CADPS: variants seen among roughly 807,000 people sequenced by gnomAD.
The protein encoded by CADPS is calcium dependent secretion activator, also known as calcium-dependent secretion activator 1.
Under a neutral mutation model 167.3 loss-of-function variants are expected in CADPS, and 57 were observed. The observed-to-expected ratio is 0.34, with a 90% CI of 0.28 to 0.42. CADPS has a LOEUF of 0.42. Among genes scored for constraint, CADPS ranks in the 20% least tolerant of loss-of-function variants. The pLI is 1.00. For missense variants in CADPS, 1,414 were observed against 1,738.1 expected, an observed-to-expected ratio of 0.81 and a Z score of 3.32; for synonymous variants, 676 against 635.3, an observed-to-expected ratio of 1.06 and a Z score of -0.96.
intron 3 of CADPS, among the ~76,000 whole-genome samples, chr3:62,707,100 C>T (rs1292183977): frequency 6.6e-6 from 1 of 152,050 alleles, no homozygotes; most frequent in Non-Finnish European, 1.5e-5. Flanking sequence ...GGCCACGGAC[C>T]CACTACCGGT....
chr3:62,790,421 G>T (rs1225622393), intron 1 of CADPS, among the ~76,000 whole-genome samples: 1 of 151,962 alleles, frequency 6.6e-6, no homozygotes, highest in Non-Finnish European at 1.5e-5. Flanking sequence ...TGAATCTTAT[G>T]TCTCCATGTA....
chr3:62,623,173 A>T lies in CADPS; in HGVS notation c.1325+22549T>A, dbSNP rs1252681382. Among the ~76,000 whole-genome samples, 4 of 152,176 alleles carry T rather than the reference A, an allele frequency of 2.6e-5. No individual in the cohort carries two copies. In the East Asian group the frequency reaches 7.7e-4, roughly 29 times the overall value. ...TTTTCTTTCTCTGGGAGTAAGTCCC[A>T]CATGTGAGGTGAAGATGGGCTCCTG... is the stretch of plus-strand genomic sequence containing the variant. On this transcript the variant is annotated intron_variant, in intron 6 of 29. Coordinates refer to ENST00000383710, the MANE Select transcript of CADPS (RefSeq NM_003716.4).
intron 1 of CADPS, among the ~76,000 whole-genome samples, chr3:62,805,604 A>G (rs188438700): frequency 6.6e-6 from 1 of 152,140 alleles, no homozygotes; most frequent in African/African-American, 2.4e-5. Flanking sequence ...AGCACTAACT[A>G]TATGTAAAGC....
At chr3:62,680,481 C>G (rs2076980424) in intron 3 of CADPS, among the ~76,000 whole-genome samples, 1 of 152,122 alleles carries the variant, frequency 6.6e-6, no homozygotes, top group Non-Finnish European at 1.5e-5. Context: ...CTCATTGTCA[C>G]ACACATCTAA....
At position 62,689,172 on chromosome 3, in the gene CADPS, A is replaced by G. The variant is rs900656552; in HGVS notation, c.889-26778T>C. Among the ~76,000 whole-genome samples the G allele has an allele frequency of 3.3e-5, 5 of 152,072 alleles. No homozygotes were observed. The South Asian group carries it at 6.2e-4, about 19-fold the overall frequency. ...TGACATTTGATTTCCTTCAAGCACT[A>G]AAGTGTTTTTCTCTAGGCAGAACAG... On this transcript the variant is annotated intron_variant, in intron 3 of 29. Transcript: ENST00000383710.
At chr3:62,719,194 A>T (rs1304070040) in intron 3 of CADPS, among the ~76,000 whole-genome samples, 1 of 152,194 alleles carries the variant, frequency 6.6e-6, no homozygotes, top group East Asian at 1.9e-4. Flanking sequence ...CCTTTCTGGC[A>T]CTGTCTTTTA....
chr3:62,820,750 C>G (rs1392820850), intron 1 of CADPS, among the ~76,000 whole-genome samples: 1 of 151,034 alleles, frequency 6.6e-6, no homozygotes, highest in African/African-American at 2.4e-5. Flanking sequence ...CCTTTCTCCT[C>G]TTTACTAGAC....
chr3:62,580,865 A>G (rs2083296881), intron 8 of CADPS, among the ~76,000 whole-genome samples: 1 of 152,200 alleles, frequency 6.6e-6, no homozygotes, highest in Admixed American at 6.5e-5. Flanking sequence ...ACCTAAATAG[A>G]CATAAAATTT....
chr3:62,816,036 C>T (rs1016524201), intron 1 of CADPS, among the ~76,000 whole-genome samples: 3 of 152,038 alleles, frequency 2.0e-5, no homozygotes, highest in African/African-American at 7.2e-5. Context: ...AGATCAAATT[C>T]CTGTAGAGTA....
chr3:62,762,452 T>G (rs2085707175), intron 2 of CADPS, among the ~76,000 whole-genome samples: 1 of 150,374 alleles, frequency 6.7e-6, no homozygotes, highest in South Asian at 2.1e-4. Context: ...AGCCCAGGAG[T>G]TCAAGAGCAG....
At chr3:62,843,567 T>C (rs1466875719) in intron 1 of CADPS, among the ~76,000 whole-genome samples, 1 of 151,944 alleles carries the variant, frequency 6.6e-6, no homozygotes, top group African/African-American at 2.4e-5. Flanking sequence ...CAGCATAACG[T>C]TGGACTCAAC....
chr3:62,694,597 G>A lies in CADPS; in HGVS notation c.889-32203C>T, dbSNP rs539085291. ...CTGGAAATGAATTTGCCTTCTTGGT[G>A]TACAATGCTTCTACCAGCACTACCT... On this transcript the variant is annotated intron_variant, in intron 3 of 29. Transcript: ENST00000383710. Among the ~76,000 whole-genome samples the A allele has an allele frequency of 1.6e-3, 238 of 152,158 alleles. 1 individual carries two copies. The highest frequency in any genetic ancestry group is 3.4e-3 in the Middle Eastern group (1 of 294).
intron 8 of CADPS, among the ~76,000 whole-genome samples, chr3:62,580,589 A>AAT (rs1479029731): frequency 6.7e-6 from 1 of 148,384 alleles, no homozygotes; most frequent in African/African-American, 2.6e-5. Flanking sequence ...GTATAATAAA[A>AAT]AAAAATAAAA....
rs141267535 is a variant in CADPS at position 62,608,489 on chromosome 3, C to A, written c.1326-15741G>T. Among the ~76,000 whole-genome samples the A allele has an allele frequency of 1.4e-3, 218 of 152,022 alleles. 1 individual carries two copies. The highest frequency in any genetic ancestry group is 5.1e-3 in the African/African-American group (212 of 41,472). ...GTAGACATGGGGTTTTGCCATGTTG[C>A]CCAGGGTGCAAACTCCTGGGCTCAA... On this transcript the variant is annotated intron_variant, in intron 6 of 29. Coordinates refer to ENST00000383710, the MANE Select transcript of CADPS (RefSeq NM_003716.4).
At chr3:62,860,484 G>C (rs2080570207) in intron 1 of CADPS, among the ~76,000 whole-genome samples, 1 of 152,078 alleles carries the variant, frequency 6.6e-6, no homozygotes, top group Non-Finnish European at 1.5e-5. Context: ...AAGTCTCACC[G>C]TTGGCCCTGT....
chr3:62,718,032 A>ATT (rs76986157), intron 3 of CADPS, among the ~76,000 whole-genome samples: 38 of 150,526 alleles, frequency 2.5e-4, no homozygotes, highest in Non-Finnish European at 4.0e-4. Context: ...TCTTAGAGTA[A>ATT]TTTTTTTTTT....
intron 1 of CADPS, among the ~76,000 whole-genome samples, chr3:62,814,084 A>G (rs1019428634): frequency 1.3e-5 from 2 of 152,194 alleles, no homozygotes; most frequent in African/African-American, 4.8e-5. Flanking sequence ...TTGCAACTGC[A>G]CTAAATCTAC....
At chr3:62,870,182 C>T (rs2082369322) in intron 1 of CADPS, among the ~76,000 whole-genome samples, 1 of 152,094 alleles carries the variant, frequency 6.6e-6, no homozygotes, top group Non-Finnish European at 1.5e-5. Flanking sequence ...TTCAGTTCTT[C>T]CCCTGATGAA....
intron 3 of CADPS, among the ~76,000 whole-genome samples, chr3:62,688,181 A>G (rs979936451): frequency 1.3e-5 from 2 of 151,988 alleles, no homozygotes; most frequent in African/African-American, 4.8e-5. Context: ...TCATTGTAGG[A>G]TGTTTAGCAG....
Sources: gnomAD v4.1 joint callset for allele counts (sites outside exome capture counted in the v4.1 genomes callset) on GRCh38, gnomAD v4.1.1 for gene constraint, MANE v1.5 for transcripts, NCBI Gene and HGNC (gene_info 2026-07-23, HGNC 2026-07-21) for gene names.